HK3: variants seen among roughly 807,000 people sequenced by gnomAD.
HK3 encodes the protein hexokinase-3.
Under a neutral mutation model 91.0 loss-of-function variants are expected in HK3, and 93 were observed. The ratio of observed to expected loss-of-function variants is 1.02; its 90% CI spans 0.86 to 1.21. The LOEUF (loss-of-function observed/expected upper bound fraction) is 1.21, where lower values mean the gene tolerates loss of function less well. HK3 is among the 50% of genes most tolerant of loss of function. HK3 has a pLI of 0.00. For missense variants in HK3, 1,235 were observed against 1,247.4 expected (o/e 0.99, Z 0.15); for synonymous variants, 519 against 516.9 (o/e 1.00, Z -0.06).
intron 16 of HK3, 26 bp downstream of exon 16, chr5:176,881,918 C>A (rs746305993): frequency 6.2e-7 from 1 of 1,612,522 alleles, no homozygotes; most frequent in Non-Finnish European, 8.5e-7. Flanking sequence ...CACAGCCAGC[C>A]ACCACTGCCT....
Position 176,888,528 on chromosome 5 carries a change from G to A in HK3, c.1108C>T (p.Gln370Ter), listed in dbSNP as rs1758665683. Residue 370 changes from glutamine (Q) to a stop codon, truncating the protein, a stop_gained, in exon 10 of 19, where the codon CAG becomes TAG. Coordinates refer to ENST00000292432, the MANE Select transcript of HK3 (RefSeq NM_002115.3). LOFTEE classifies it high-confidence loss of function. ...TGAARVHAILQDLGLSPGASD... is the reference protein window; with the variant it reads ...TGAARVHAIL ...GCCCCAGGGCTCAGGCCCAAGTCCT[G>A]CAGGATAGCATGGACACGGGCTGCC... 7 of 1,557,312 alleles carry A rather than the reference G, an allele frequency of 4.5e-6. No individual in the cohort carries two copies. The highest frequency in any genetic ancestry group is 6.1e-6 in the Non-Finnish European group (7 of 1,149,770).
chr5:176,891,898 A>G (rs1758786551), intron 2 of HK3, among the ~76,000 whole-genome samples: 1 of 152,234 alleles, frequency 6.6e-6, no homozygotes, highest in Non-Finnish European at 1.5e-5. Context: ...CCACAGCAAG[A>G]GTCTCTCAGT....
chr5:176,885,850 G>A (rs1368943023), intron 13 of HK3, among the ~76,000 whole-genome samples: 2 of 151,808 alleles, frequency 1.3e-5, no homozygotes, highest in Non-Finnish European at 1.5e-5. Flanking sequence ...CAAAAGGACT[G>A]AGCAGGCTTA....
chr5:176,895,020 G>A (rs1489409068), intron 2 of HK3, among the ~76,000 whole-genome samples: 5 of 150,606 alleles, frequency 3.3e-5, no homozygotes, highest in East Asian at 2.0e-4. Flanking sequence ...CTTGTGGTCC[G>A]CTCACCTCGG....
Position 176,889,384 on chromosome 5 carries a change from T to A in HK3, c.911A>T (p.Gln304Leu). 1 of 1,613,712 alleles carries A rather than the reference T, an allele frequency of 6.2e-7. No individual in the cohort carries two copies. The highest frequency in any genetic ancestry group is 8.5e-7 in the Non-Finnish European group (1 of 1,179,768). Residue 304 changes from glutamine to leucine, a missense_variant, in exon 8 of 19, where the codon CAG (glutamine) becomes CTG (leucine). Around this residue, in one of 3 missense-constraint regions of HK3, gnomAD observed 717 missense variants for 751.6 expected, o/e 0.95. Transcript: ENST00000292432. ...LDHESLNPGA[Q>L]RFEKMIGGLY... ...TCAGGGCCCCCTGCCAGGTCACCTC[T>A]GAGCACCAGGATTCAGGGACTCATG...
rs761051620 is a variant in HK3, at chr5:176,891,174, C to A, written c.277G>T (p.Val93Leu). 13 of 1,614,064 alleles carry A rather than the reference C, an allele frequency of 8.1e-6. No homozygotes were observed. In the South Asian group the frequency reaches 1.1e-4, roughly 14 times the overall value. ...GCCCCTGTGGCCCCCAGCTCCAGCA[C>A]CACGAAGTCTCCTTGCTCTGGAGGG... ...PHGTEQGDFV[V>L]LELGATGASL... Residue 93 changes from valine (V) to leucine (L), a missense_variant, in exon 4 of 19, where the codon GTG becomes TTG. Around this residue, in one of 3 missense-constraint regions of HK3, gnomAD observed 717 missense variants for 751.6 expected, o/e 0.95. Transcript: ENST00000292432.
intron 8 of HK3, 29 bp from the exon 9 acceptor site, chr5:176,888,893 G>C (rs1488453522): frequency 1.1e-5 from 17 of 1,605,054 alleles, no homozygotes; most frequent in Non-Finnish European, 1.4e-5. Context: ...GCTGGAGGAA[G>C]CCTTTTCTAA....
chr5:176,894,067 C>A (rs1302094823), intron 2 of HK3, among the ~76,000 whole-genome samples: 1 of 152,176 alleles, frequency 6.6e-6, no homozygotes, highest in Admixed American at 6.5e-5. Context: ...AGGACTGAGA[C>A]GACAGCAAAC....
intron 1 of HK3, among the ~76,000 whole-genome samples, chr5:176,899,002 G>A (rs1290739563): frequency 2.6e-5 from 4 of 152,180 alleles, no homozygotes; most frequent in Non-Finnish European, 5.9e-5. Flanking sequence ...GGGTGTGGTG[G>A]TGTGCGCCTG....
chr5:176,886,949 G>A, intron 13 of HK3, 53 bp downstream of exon 13: 3 of 1,605,640 alleles, frequency 1.9e-6, no homozygotes, highest in Non-Finnish European at 2.6e-6. Context: ...CTCCATGAAG[G>A]GTATGTGGGG....
At chr5:176,886,857 T>C in intron 13 of HK3, 145 bp downstream of exon 13, 5 of 938,098 alleles carry the variant, frequency 5.3e-6, no homozygotes, top group Non-Finnish European at 7.9e-6. Flanking sequence ...TGAGGCTGTG[T>C]GCAAGCCCAG....
At chr5:176,886,917 C>T (rs1758599292) in intron 13 of HK3, 85 bp downstream of exon 13, 38 of 1,534,586 alleles carry the variant, frequency 2.5e-5, no homozygotes, top group Non-Finnish European at 3.4e-5. Flanking sequence ...ACCGCCCAGC[C>T]TTTTCCCCTG....
chr5:176,885,779 A>C (rs1758570336), intron 13 of HK3, among the ~76,000 whole-genome samples: 1 of 148,496 alleles, frequency 6.7e-6, no homozygotes. Context: ...TCTTGCCCCC[A>C]CCCCGCCCCC....
intron 14 of HK3, 75 bp downstream of exon 14, chr5:176,883,964 C>G (rs1433181383): frequency 3.8e-6 from 6 of 1,587,042 alleles, no homozygotes; most frequent in African/African-American, 2.7e-5. Flanking sequence ...GGGCTCCCCC[C>G]TCAGAAAGTA....
intron 8 of HK3, 45 bp from the exon 9 acceptor site, chr5:176,888,909 C>T: frequency 1.9e-6 from 3 of 1,595,576 alleles, no homozygotes; most frequent in Non-Finnish European, 2.6e-6. Context: ...TCTAAGCCCT[C>T]AGTCCACCTG....
rs781608227 is a variant in HK3 at position 176,893,290 on chromosome 5, G to A, written c.97-1740C>T. Among the ~76,000 whole-genome samples the A allele has an allele frequency of 1.3e-4, 20 of 152,294 alleles. No individual in the cohort carries two copies. The Middle Eastern group carries it at 0.01, about 78-fold the overall frequency. On this transcript the variant is annotated intron_variant, in intron 2 of 18. Transcript: ENST00000292432. ...TGTGAAGCTTTATAAAACCTAGAAAGTTCCCTTGAAAAGAACTCAAGGCTG... is the reference window on the plus strand; with the variant it reads ...TGTGAAGCTTTATAAAACCTAGAAAATTCCCTTGAAAAGAACTCAAGGCTG...
intron 2 of HK3, 116 bp downstream of exon 2, chr5:176,895,948 A>C: frequency 1.2e-6 from 1 of 822,402 alleles, no homozygotes; most frequent in Non-Finnish European, 2.1e-6. Flanking sequence ...CAGATATGAA[A>C]AGCTCAGTGG....
intron 6 of HK3, 33 bp from the exon 7 acceptor site, chr5:176,889,777 G>C (rs373110995): frequency 3.3e-4 from 516 of 1,586,434 alleles, no homozygotes; most frequent in Non-Finnish European, 4.2e-4. Flanking sequence ...GTCAAGGCTG[G>C]CCTGAGTGGC....
At chr5:176,885,759 A>G (rs1267689978) in intron 13 of HK3, among the ~76,000 whole-genome samples, 1 of 152,000 alleles carries the variant, frequency 6.6e-6, no homozygotes, top group Non-Finnish European at 1.5e-5. Context: ...AAAATTAATA[A>G]GACTATATTT....
Sources: allele counts gnomAD v4.1 joint callset (sites outside exome capture counted in the v4.1 genomes callset), GRCh38; gene constraint gnomAD v4.1.1; regional missense constraint gnomAD v4.1.1; transcripts MANE v1.5; gene names NCBI Gene and HGNC (gene_info 2026-07-23, HGNC 2026-07-21).